The following PRKN variants were observed in gnomAD, a reference collection of about 807,000 sequenced individuals.
The protein encoded by PRKN is parkin RBR E3 ubiquitin protein ligase, also known as E3 ubiquitin-protein ligase parkin.
Under a neutral mutation model 59.5 loss-of-function variants are expected in PRKN, and 56 were observed. That is an observed-to-expected ratio of 0.94 (90% CI 0.76 to 1.18). The LOEUF is 1.18. PRKN is among the 50% of genes most tolerant of loss of function. The pLI is 0.00. For synonymous variants in PRKN, 250 were observed against 222.1 expected, an observed-to-expected ratio of 1.13 and a Z score of -1.12; for missense variants, 657 against 596.4, an observed-to-expected ratio of 1.10 and a Z score of -1.06.
Position 161,377,376 on chromosome 6 carries a change from T to C in PRKN, c.1167+9418A>G, listed in dbSNP as rs1785762200. On this transcript the variant is annotated intron_variant, in intron 10 of 11. Transcript: ENST00000366898. The surrounding 1 kb of genome is among the most constrained non-coding windows in gnomAD (Gnocchi z 4.2). ...CACACCGTGGCATGACTGCCTCTCC[T>C]TGGGCTCACAACCATGGCCCCACGG... Among the ~76,000 whole-genome samples the C allele has an allele frequency of 6.6e-6, 1 of 152,248 alleles. No individual in the cohort carries two copies. The highest frequency in any genetic ancestry group is 6.5e-5 in the Admixed American group (1 of 15,294).
chr6:161,613,996 G>GT (rs1166208605), intron 7 of PRKN, among the ~76,000 whole-genome samples: 2 of 152,152 alleles, frequency 1.3e-5, no homozygotes, highest in African/African-American at 4.8e-5. Flanking sequence ...GCAAATTTCA[G>GT]TTTTGTAGGG....
intron 4 of PRKN, among the ~76,000 whole-genome samples, chr6:162,121,486 C>G (rs1040822302): frequency 6.6e-6 from 1 of 152,146 alleles, no homozygotes; most frequent in Non-Finnish European, 1.5e-5. Context: ...CTGCTTTCAC[C>G]CATTTATCAA....
intron 2 of PRKN, among the ~76,000 whole-genome samples, chr6:162,381,334 A>T (rs1034093348): frequency 6.6e-6 from 1 of 152,078 alleles, no homozygotes; most frequent in Non-Finnish European, 1.5e-5. Context: ...TAATGTAAAA[A>T]ATTTTCACAG....
intron 2 of PRKN, among the ~76,000 whole-genome samples, chr6:162,348,795 A>C (rs1223032552): frequency 6.6e-6 from 1 of 152,170 alleles, no homozygotes; most frequent in Non-Finnish European, 1.5e-5. Flanking sequence ...AAAGCAAAAA[A>C]GAAAAAGAGA....
intron 9 of PRKN, among the ~76,000 whole-genome samples, chr6:161,528,635 T>C (rs1174064341): frequency 6.6e-6 from 1 of 152,116 alleles, no homozygotes; most frequent in Non-Finnish European, 1.5e-5. Context: ...ACTTTTAACG[T>C]CTGATTGCTT....
chr6:162,195,187 G>A (rs373777150), intron 4 of PRKN, among the ~76,000 whole-genome samples: 3 of 152,300 alleles, frequency 2.0e-5, no homozygotes, highest in African/African-American at 7.2e-5. Flanking sequence ...TCCAAAACAT[G>A]CCCTACAAAT....
chr6:162,406,710 A>C (rs1788092106), intron 2 of PRKN, among the ~76,000 whole-genome samples: 1 of 152,126 alleles, frequency 6.6e-6, no homozygotes. Flanking sequence ...CGCACTATCC[A>C]CCATGAAAAG....
chr6:161,744,655 G>A (rs1372576516), intron 7 of PRKN, among the ~76,000 whole-genome samples: 1 of 152,230 alleles, frequency 6.6e-6, no homozygotes, highest in African/African-American at 2.4e-5. Context: ...CCCCCAGGCA[G>A]CATTGACTCG....
intron 1 of PRKN, among the ~76,000 whole-genome samples, chr6:162,688,600 CAGA>C (rs772372864): frequency 6.6e-6 from 1 of 152,142 alleles, no homozygotes; most frequent in Non-Finnish European, 1.5e-5. Flanking sequence ...TGCACACATT[CAGA>C]AGGTTTTGGA....
chr6:162,300,731 G>A (rs1041344511), intron 2 of PRKN, among the ~76,000 whole-genome samples: 6 of 152,152 alleles, frequency 3.9e-5, no homozygotes, highest in East Asian at 3.9e-4. Context: ...ATCTTCACAG[G>A]ACCAACTAAC....
In PRKN at chr6:162,325,988, A is replaced by T. The variant is rs1783254593; in HGVS notation, c.172-63223T>A. Among the ~76,000 whole-genome samples the T allele has an allele frequency of 2.0e-5, 3 of 152,172 alleles. No homozygotes were observed. The South Asian group carries it at 6.2e-4, about 32-fold the overall frequency. The stretch of plus-strand genomic sequence containing the variant: ...CACACATAATAGCCAATCAGAGCTC[A>T]GTAAAACATAAGCCAGCAAATCAGA... On this transcript the variant is annotated intron_variant, in intron 2 of 11. Coordinates refer to ENST00000366898, the MANE Select transcript of PRKN (RefSeq NM_004562.3).
intron 1 of PRKN, among the ~76,000 whole-genome samples, chr6:162,653,164 T>C (rs4425570): frequency 0.19 from 29,578 of 152,140 alleles, 3,535 homozygotes; most frequent in East Asian, 0.47. Flanking sequence ...GATTGCATTG[T>C]TTTTGGATTC....
In PRKN at chr6:161,396,746, T is replaced by C. The variant is rs1278969873; in HGVS notation, c.1084-9869A>G. ...CAATTTGAGCCCAATTTGTCCCATGTGCCTGTGGGTATCCTTATGCTCTCT... is the reference window on the plus strand; with the variant it reads ...CAATTTGAGCCCAATTTGTCCCATGCGCCTGTGGGTATCCTTATGCTCTCT... On this transcript the variant is annotated intron_variant, in intron 9 of 11. Transcript: ENST00000366898. This position sits in a 1 kb window ranked among gnomAD's most constrained non-coding sequence, Gnocchi z 5.4. Among the ~76,000 whole-genome samples, 1 of 152,220 alleles carries C rather than the reference T, an allele frequency of 6.6e-6. No individual in the cohort carries two copies. The highest frequency in any genetic ancestry group is 2.4e-5 in the African/African-American group (1 of 41,442).
chr6:162,381,870 T>A (rs1335373358), intron 2 of PRKN, among the ~76,000 whole-genome samples: 1 of 152,148 alleles, frequency 6.6e-6, no homozygotes, highest in Admixed American at 6.5e-5. Flanking sequence ...CAGGCATAAC[T>A]CCAAGTAAAA....
intron 1 of PRKN, among the ~76,000 whole-genome samples, chr6:162,704,141 G>C (rs529600106): frequency 3.3e-5 from 5 of 152,278 alleles, no homozygotes; most frequent in African/African-American, 1.2e-4. Context: ...GGCAGCCTGA[G>C]CTCCCAGCAC....
intron 1 of PRKN, among the ~76,000 whole-genome samples, chr6:162,613,576 G>T (rs545603339): frequency 2.5e-4 from 38 of 152,244 alleles, no homozygotes; most frequent in Middle Eastern, 6.8e-3. Context: ...TTTACTGTAA[G>T]CTTGAAGATA....
chr6:161,750,104 T>TACAC (rs1562654167), intron 7 of PRKN, among the ~76,000 whole-genome samples: 2 of 97,778 alleles, frequency 2.0e-5, no homozygotes, highest in Admixed American at 9.7e-5. Context: ...AGGACATATA[T>TACAC]ATATATATAT....
intron 7 of PRKN, among the ~76,000 whole-genome samples, chr6:161,750,272 CT>C (rs1329744255): frequency 6.6e-6 from 1 of 152,018 alleles, no homozygotes; most frequent in Non-Finnish European, 1.5e-5. Context: ...ATTTAATTGA[CT>C]TAGCAACACT....
intron 1 of PRKN, among the ~76,000 whole-genome samples, chr6:162,507,827 G>A (rs1320809332): frequency 1.3e-5 from 2 of 152,154 alleles, no homozygotes; most frequent in African/African-American, 4.8e-5. Flanking sequence ...GCACAGATCC[G>A]ACATGCTGTA....
Sources: allele counts gnomAD v4.1 joint callset (sites outside exome capture counted in the v4.1 genomes callset), GRCh38; gene constraint gnomAD v4.1.1; non-coding constraint Gnocchi (gnomAD v3.1); transcripts MANE v1.5; gene names NCBI Gene and HGNC (gene_info 2026-07-23, HGNC 2026-07-21).